The following PDK1 variants were observed in gnomAD, a reference collection of about 807,000 sequenced individuals.
PDK1 encodes [Pyruvate dehydrogenase (acetyl-transferring)] kinase isozyme 1, mitochondrial.
PDK1 carries 39 observed loss-of-function variants against 54.2 expected under a neutral mutation model. The observed-to-expected ratio is 0.72, with a 90% CI of 0.56 to 0.94. The LOEUF is 0.94. Ranked by LOEUF, PDK1 falls within the 40% of genes least tolerant of loss-of-function variation. PDK1 has a pLI of 0.00. For missense variants in PDK1, 552 were observed against 566.0 expected, an observed-to-expected ratio of 0.98 and a Z score of 0.25; for synonymous variants, 221 against 207.1, an observed-to-expected ratio of 1.07 and a Z score of -0.58.
intron 8 of PDK1, among the ~76,000 whole-genome samples, chr2:172,577,240 G>A (rs774940787): frequency 2.9e-4 from 44 of 152,014 alleles, no homozygotes; most frequent in Non-Finnish European, 5.6e-4. Flanking sequence ...AGTATATTTT[G>A]TTTGAAGTTA....
Position 172,604,348 on chromosome 2 carries a change from C to T in PDK1, c.*8379C>T, listed in dbSNP as rs1466029186. On this transcript the variant is annotated 3_prime_UTR_variant, in exon 11 of 11. Transcript: ENST00000282077. ...GATTTATAAGCGTGAGTCACCGTAC[C>T]TGGCCAGACATAGCATATATCTTCC... 1 of 152,210 alleles carries T rather than the reference C, an allele frequency of 6.6e-6. No individual in the cohort carries two copies. The highest frequency in any genetic ancestry group is 1.9e-4 in the East Asian group (1 of 5,198). 9.4% of individuals were successfully genotyped at this position (152,210 alleles called of 1,614,324 possible).
At chr2:172,687,212 C>A in the PDK1 span, among the ~76,000 whole-genome samples, 12 of 152,042 alleles carry the variant, frequency 7.9e-5, no homozygotes, top group South Asian at 2.5e-3. Context: ...GGAATCAGGC[C>A]AATTACTAAT....
At chr2:172,583,473 T>C (rs1018144015) in intron 8 of PDK1, among the ~76,000 whole-genome samples, 10 of 151,948 alleles carry the variant, frequency 6.6e-5, no homozygotes, top group Middle Eastern at 6.8e-3. Context: ...TTTGTATTTT[T>C]AGTAGAGACA....
chr2:172,682,062 A>G, the PDK1 span, among the ~76,000 whole-genome samples: 561 of 152,268 alleles, frequency 3.7e-3, 2 homozygotes, highest in Non-Finnish European at 5.9e-3. Context: ...CCCAGCCAGG[A>G]ATTACAATTT....
chr2:172,706,176 A>C, the PDK1 span, among the ~76,000 whole-genome samples: 3 of 152,166 alleles, frequency 2.0e-5, no homozygotes, highest in East Asian at 5.8e-4. Context: ...GCAACTGTGA[A>C]TCTGTCCTCC....
the PDK1 span, among the ~76,000 whole-genome samples, chr2:172,615,145 G>C: frequency 6.6e-6 from 1 of 152,214 alleles, no homozygotes; most frequent in Non-Finnish European, 1.5e-5. Context: ...ACAGCAGGCC[G>C]AGTAGACAGG....
the PDK1 span, among the ~76,000 whole-genome samples, chr2:172,651,277 G>A: frequency 2.0e-5 from 3 of 152,164 alleles, no homozygotes; most frequent in Non-Finnish European, 2.9e-5. Flanking sequence ...TGAAACCAAT[G>A]AGAACAAAGA....
chr2:172,652,039 C>A, the PDK1 span, among the ~76,000 whole-genome samples: 8 of 152,194 alleles, frequency 5.3e-5, no homozygotes, highest in Non-Finnish European at 1.2e-4. Flanking sequence ...AGACCAATAT[C>A]CCTGATGAAC....
chr2:172,721,603 G>T, the PDK1 span, among the ~76,000 whole-genome samples: 4 of 152,174 alleles, frequency 2.6e-5, no homozygotes, highest in African/African-American at 4.8e-5. Context: ...CTCCCAAAGT[G>T]CTGGGATTAT....
At chr2:172,685,878 G>A in the PDK1 span, among the ~76,000 whole-genome samples, 1 of 152,106 alleles carries the variant, frequency 6.6e-6, no homozygotes, top group Non-Finnish European at 1.5e-5. Flanking sequence ...AAAAATCTTC[G>A]TTGTCTCCAA....
chr2:172,670,061 A>T, the PDK1 span, among the ~76,000 whole-genome samples: 1 of 152,122 alleles, frequency 6.6e-6, no homozygotes, highest in Non-Finnish European at 1.5e-5. Flanking sequence ...TTTAAAAAAA[A>T]AATTATTTAG....
In PDK1 at chr2:172,597,209, T is replaced by A. The variant is rs1426562010; in HGVS notation, c.*1240T>A. Reference sequence around the variant, plus strand: ...GCAGCTTCAATCTTCTGGGCTCAAGTAATCCTTCCACCTCAGCCTCCCATA... The same window carrying A: ...GCAGCTTCAATCTTCTGGGCTCAAGAAATCCTTCCACCTCAGCCTCCCATA... On this transcript the variant is annotated 3_prime_UTR_variant, in exon 11 of 11. Coordinates refer to ENST00000282077, the MANE Select transcript of PDK1 (RefSeq NM_002610.5). 1 of 152,068 alleles carries A rather than the reference T, an allele frequency of 6.6e-6. No individual in the cohort carries two copies. Among genetic ancestry groups the A allele is most frequent in the African/African-American group, 2.4e-5 (1 of 41,362 alleles). The allele number at this position is 152,068 out of a possible 1,614,324, so 9.4% of individuals were successfully genotyped here.
At chr2:172,581,600 T>C (rs1228889934) in intron 8 of PDK1, among the ~76,000 whole-genome samples, 1 of 152,152 alleles carries the variant, frequency 6.6e-6, no homozygotes, top group Non-Finnish European at 1.5e-5. Flanking sequence ...TTTCTGCTCC[T>C]CACATCCAAG....
At chr2:172,577,186 TA>T (rs771722988) in intron 8 of PDK1, among the ~76,000 whole-genome samples, 1 of 152,172 alleles carries the variant, frequency 6.6e-6, no homozygotes, top group Non-Finnish European at 1.5e-5. Context: ...CTTATATCAT[TA>T]AAAAATGTAC....
At chr2:172,677,559 A>C in the PDK1 span, 1 of 152,224 alleles carries the variant, frequency 6.6e-6, no homozygotes, top group Non-Finnish European at 1.5e-5. Flanking sequence ...TTGCAGCCAG[A>C]GGAAGAGGGC....
At chr2:172,570,530 T>C in intron 7 of PDK1, 196 bp from the exon 8 acceptor site, 1 of 428,264 alleles carries the variant, frequency 2.3e-6, no homozygotes, top group South Asian at 6.6e-5. Flanking sequence ...TTGGAGTCTT[T>C]AGGTCAGAAT....
the PDK1 span, among the ~76,000 whole-genome samples, chr2:172,701,621 A>G: frequency 7.2e-6 from 1 of 139,742 alleles, no homozygotes; most frequent in African/African-American, 2.6e-5. Context: ...GCTGCTAACT[A>G]GTTTATCCTG....
At chr2:172,668,925 AGAGAG>A in the PDK1 span, among the ~76,000 whole-genome samples, 1 of 146,666 alleles carries the variant, frequency 6.8e-6, no homozygotes, top group African/African-American at 2.5e-5. Flanking sequence ...AGAGAGAGAG[AGAGAG>A]AGAGAGAGAA....
the PDK1 span, among the ~76,000 whole-genome samples, chr2:172,617,824 C>T: frequency 0.019 from 2,919 of 152,166 alleles, 103 homozygotes; most frequent in African/African-American, 0.067. Flanking sequence ...TATTTTTGTG[C>T]ATTATTCCTA....
Sources: allele counts gnomAD v4.1 joint callset (sites outside exome capture counted in the v4.1 genomes callset), GRCh38; gene constraint gnomAD v4.1.1; transcripts MANE v1.5; gene names NCBI Gene and HGNC (gene_info 2026-07-23, HGNC 2026-07-21).